The following ANXA8 variants were observed in gnomAD, a reference collection of about 807,000 sequenced individuals.
ANXA8 encodes the protein VAC-beta.
Under a neutral mutation model 26.8 loss-of-function variants are expected in ANXA8, and 9 were observed. The ratio of observed to expected loss-of-function variants is 0.34; its 90% confidence interval spans 0.20 to 0.59. The LOEUF (loss-of-function observed/expected upper bound fraction) is 0.59, where lower values mean the gene tolerates loss of function less well. Among genes scored for constraint, ANXA8 ranks in the 20% least tolerant of loss-of-function variants. The pLI is 0.84. For missense variants in ANXA8, 83 were observed against 238.5 expected (o/e 0.35, Z 4.29); for synonymous variants, 39 against 94.8 (o/e 0.41, Z 3.42).
the ANXA8 span, among the ~76,000 whole-genome samples, chr10:47,943,744 G>A: frequency 5.3e-5 from 8 of 150,860 alleles, no homozygotes; most frequent in Middle Eastern, 3.4e-3. Context: ...AATGTGAGTT[G>A]TACCTTGAAC....
At chr10:47,658,025 G>A in the ANXA8 span, among the ~76,000 whole-genome samples, 1 of 151,802 alleles carries the variant, frequency 6.6e-6, no homozygotes, top group Non-Finnish European at 1.5e-5. Flanking sequence ...TCTAGAACAT[G>A]TGAAGTATCT....
At chr10:47,656,359 C>A in the ANXA8 span, among the ~76,000 whole-genome samples, 1 of 150,864 alleles carries the variant, frequency 6.6e-6, no homozygotes, top group Admixed American at 6.6e-5. Flanking sequence ...GATTGTGCCA[C>A]TGCGCTCCAA....
the ANXA8 span, chr10:47,502,995 G>C: frequency 6.4e-7 from 1 of 1,566,596 alleles, no homozygotes; most frequent in South Asian, 1.1e-5. Flanking sequence ...AGATACCGGG[G>C]CTGAAGCATA....
the ANXA8 span, among the ~76,000 whole-genome samples, chr10:47,547,384 GT>G: frequency 7.2e-6 from 1 of 139,190 alleles, no homozygotes; most frequent in South Asian, 2.3e-4. Context: ...TACCGTTTGT[GT>G]TTTTAAAGGG....
At chr10:47,590,340 G>A in the ANXA8 span, 1 of 146,608 alleles carries the variant, frequency 6.8e-6, no homozygotes, top group African/African-American at 2.8e-5. Flanking sequence ...AGAATCCAGG[G>A]TGTGATCCAC....
At chr10:47,546,802 T>C in the ANXA8 span, among the ~76,000 whole-genome samples, 31 of 141,904 alleles carry the variant, frequency 2.2e-4, 6 homozygotes, top group Admixed American at 7.3e-4. Context: ...GATAGTTCTG[T>C]TTCTATCTTT....
chr10:47,989,265 G>A, the ANXA8 span, among the ~76,000 whole-genome samples: 1 of 134,902 alleles, frequency 7.4e-6, no homozygotes, highest in Non-Finnish European at 1.7e-5. Context: ...CAGGAACGCA[G>A]GTCGTCTGGG....
At chr10:47,755,278 C>T in the ANXA8 span, among the ~76,000 whole-genome samples, 5 of 146,364 alleles carry the variant, frequency 3.4e-5, no homozygotes, top group East Asian at 2.1e-4. Flanking sequence ...TTTTTTGAGA[C>T]GAAGTCTCGC....
chr10:47,691,138 T>A, the ANXA8 span: 1 of 1,605,944 alleles, frequency 6.2e-7, no homozygotes, highest in Non-Finnish European at 8.5e-7. Flanking sequence ...CAGTAAGTGA[T>A]CAATCAGAAA....
the ANXA8 span, among the ~76,000 whole-genome samples, chr10:47,671,805 C>A: frequency 4.2e-3 from 633 of 151,744 alleles, 14 homozygotes; most frequent in Admixed American, 0.027. Flanking sequence ...GATGTCTAGA[C>A]AGAAAATCTC....
the ANXA8 span, among the ~76,000 whole-genome samples, chr10:47,673,065 T>A: frequency 6.0e-5 from 9 of 149,724 alleles, no homozygotes; most frequent in Non-Finnish European, 1.3e-4. Flanking sequence ...CACATTTTTT[T>A]AAAATCAGAT....
At chr10:47,944,297 G>A in the ANXA8 span, among the ~76,000 whole-genome samples, 1 of 148,000 alleles carries the variant, frequency 6.8e-6, no homozygotes, top group Admixed American at 6.7e-5. Flanking sequence ...ATCACCTTGA[G>A]GTTTAGGATT....
chr10:47,651,236 A>G, the ANXA8 span, among the ~76,000 whole-genome samples: 1 of 150,494 alleles, frequency 6.6e-6, no homozygotes, highest in Non-Finnish European at 1.5e-5. Context: ...TAATAGAGAT[A>G]CCAATTCACA....
At chr10:47,776,970 G>A in the ANXA8 span, among the ~76,000 whole-genome samples, 8 of 151,860 alleles carry the variant, frequency 5.3e-5, no homozygotes, top group Non-Finnish European at 7.4e-5. Context: ...GGAAAAGGCG[G>A]AAGAGGAAGG....
At chr10:47,638,903 C>T in the ANXA8 span, among the ~76,000 whole-genome samples, 2 of 142,042 alleles carry the variant, frequency 1.4e-5, no homozygotes, top group Non-Finnish European at 3.0e-5. Context: ...AGAAAGCTTG[C>T]TTTGTTTATT....
chr10:47,529,275 A>G, the ANXA8 span, among the ~76,000 whole-genome samples: 1 of 145,938 alleles, frequency 6.9e-6, no homozygotes, highest in Admixed American at 6.9e-5. Flanking sequence ...TTAAATTATA[A>G]AATGAAACTT....
At chr10:47,718,523 T>C in the ANXA8 span, among the ~76,000 whole-genome samples, 1 of 46,700 alleles carries the variant, frequency 2.1e-5, no homozygotes, top group Admixed American at 2.4e-4. Context: ...TTTGGAAAGA[T>C]GTGGTATTGA....
the ANXA8 span, among the ~76,000 whole-genome samples, chr10:47,576,787 A>C: frequency 6.6e-6 from 1 of 150,472 alleles, no homozygotes; most frequent in Non-Finnish European, 1.5e-5. Flanking sequence ...CCCAAAGTGC[A>C]GGATTACAGG....
At chr10:47,623,880 A>G in the ANXA8 span, among the ~76,000 whole-genome samples, 2 of 93,650 alleles carry the variant, frequency 2.1e-5, 1 homozygote, top group African/African-American at 8.7e-5. Flanking sequence ...TTTTTTTTAA[A>G]TTCTCGTCCT....
Sources: gnomAD v4.1 joint callset for allele counts (sites outside exome capture counted in the v4.1 genomes callset) on GRCh38, gnomAD v4.1.1 for gene constraint, MANE v1.5 for transcripts, NCBI Gene and HGNC (gene_info 2026-07-23, HGNC 2026-07-21) for gene names.